FOXK2: variants seen among roughly 807,000 people sequenced by gnomAD.
FOXK2 encodes forkhead box protein K2.
In FOXK2, 24 loss-of-function variants were observed where a neutral mutation model predicts 53.3. The observed-to-expected ratio is 0.45, with a 90% CI of 0.33 to 0.63. The LOEUF is 0.63. Ranked by LOEUF, FOXK2 falls within the 30% of genes least tolerant of loss-of-function variation. FOXK2 has a pLI of 0.03. For missense variants in FOXK2, 952 were observed against 910.5 expected (o/e 1.05, Z -0.59); for synonymous variants, 505 against 407.1 (o/e 1.24, Z -2.89).
chr17:82,564,763 C>A (rs1425762323), intron 2 of FOXK2, among the ~76,000 whole-genome samples: 8 of 146,506 alleles, frequency 5.5e-5, no homozygotes, highest in African/African-American at 2.0e-4. Context: ...TGGAGTTTCA[C>A]CCTTTTTGCC....
At chr17:82,586,935 A>G (rs1020045170) in intron 7 of FOXK2, 128 bp from the exon 8 acceptor site, 1 of 852,838 alleles carries the variant, frequency 1.2e-6, no homozygotes, top group Non-Finnish European at 1.9e-6. Context: ...TCTTTTTCTA[A>G]TTTGCTGTTT....
chr17:82,587,727 C>T (rs1267694703), intron 8 of FOXK2, among the ~76,000 whole-genome samples: 2 of 152,210 alleles, frequency 1.3e-5, no homozygotes, highest in African/African-American at 2.4e-5. Context: ...GATGTTCTGA[C>T]ATTGACAAGT....
chr17:82,524,334 A>T (rs897986589), intron 1 of FOXK2, among the ~76,000 whole-genome samples: 6 of 152,226 alleles, frequency 3.9e-5, no homozygotes, highest in Non-Finnish European at 8.8e-5. Context: ...TTCAAAATGA[A>T]TTTATGTTTT....
In FOXK2 at chr17:82,560,528, G is replaced by A. The variant is rs532552836; in HGVS notation, c.420-2826G>A. Among the ~76,000 whole-genome samples, 7 of 152,332 alleles carry A rather than the reference G, an allele frequency of 4.6e-5. No individual in the cohort carries two copies. The South Asian group carries it at 1.0e-3, about 23-fold the overall frequency. On this transcript the variant is annotated intron_variant, in intron 1 of 8. Transcript: ENST00000335255. ...CCACCCTGGCGCTGTGGTGCAGCTG[G>A]AAGCATTTTGCTGTCTTTTGTTTGA...
At chr17:82,568,342 G>T (rs899144603) in intron 3 of FOXK2, 141 bp downstream of exon 3, 3 of 1,008,714 alleles carry the variant, frequency 3.0e-6, no homozygotes, top group Non-Finnish European at 4.4e-6. Context: ...CTTGATTCTG[G>T]TGTTGCTGCT....
intron 8 of FOXK2, among the ~76,000 whole-genome samples, chr17:82,598,057 T>G (rs2045336110): frequency 6.6e-6 from 1 of 150,794 alleles, no homozygotes. Context: ...ATGTGACTCG[T>G]GATCGGCACA....
intron 1 of FOXK2, among the ~76,000 whole-genome samples, chr17:82,529,644 C>T (rs1367725421): frequency 6.6e-6 from 1 of 152,180 alleles, no homozygotes; most frequent in African/African-American, 2.4e-5. Context: ...CCTCGGCCTC[C>T]CAAAGTGCTG....
chr17:82,537,508 A>G (rs2144064638), intron 1 of FOXK2, among the ~76,000 whole-genome samples: 1 of 148,500 alleles, frequency 6.7e-6, no homozygotes, highest in South Asian at 2.2e-4. Flanking sequence ...GTAATCAGCT[A>G]TTCAGGAGGC....
intron 4 of FOXK2, chr17:82,576,809 A>G (rs1029633459): frequency 6.9e-6 from 4 of 578,546 alleles, no homozygotes; most frequent in African/African-American, 1.9e-5. Context: ...GAAAGCTGCC[A>G]TGTTGAATCC....
chr17:82,569,565 A>G (rs75241339), intron 3 of FOXK2, among the ~76,000 whole-genome samples: 6,764 of 152,268 alleles, frequency 0.044, 207 homozygotes, highest in South Asian at 0.093. Flanking sequence ...CACTTTGCAA[A>G]AATTTGTTCA....
chr17:82,583,317 GGCGGATCA>G (rs2045087480), intron 5 of FOXK2, among the ~76,000 whole-genome samples: 3 of 152,214 alleles, frequency 2.0e-5, no homozygotes, highest in Admixed American at 6.5e-5. Context: ...GGCCGAGGCG[GGCGGATCA>G]CCTGAGGTCA....
At chr17:82,561,910 G>T (rs959234205) in intron 1 of FOXK2, among the ~76,000 whole-genome samples, 7 of 152,066 alleles carry the variant, frequency 4.6e-5, no homozygotes, top group Admixed American at 1.3e-4. Context: ...TCTGTTGGGG[G>T]GGGGGGGTGC....
At chr17:82,533,891 C>T (rs760287026) in intron 1 of FOXK2, among the ~76,000 whole-genome samples, 50 of 151,786 alleles carry the variant, frequency 3.3e-4, no homozygotes, top group Admixed American at 2.4e-3. Context: ...CCCAGCTACT[C>T]GTGAGACTGA....
intron 3 of FOXK2, among the ~76,000 whole-genome samples, chr17:82,570,966 T>TCC (rs1347454301): frequency 6.6e-6 from 1 of 152,132 alleles, no homozygotes; most frequent in East Asian, 1.9e-4. Context: ...GCCAGGGGGC[T>TCC]CCTCCTCATG....
At chr17:82,559,455 C>A (rs2044769629) in intron 1 of FOXK2, 9 of 456,254 alleles carry the variant, frequency 2.0e-5, no homozygotes, top group South Asian at 1.1e-4. Flanking sequence ...GCCGTGAGAA[C>A]CCCTGGGTTT....
At chr17:82,573,723 A>C (rs1403274565) in intron 4 of FOXK2, among the ~76,000 whole-genome samples, 2 of 152,200 alleles carry the variant, frequency 1.3e-5, no homozygotes, top group African/African-American at 2.4e-5. Context: ...CAGAGTTTAC[A>C]GCTTATTCTG....
At chr17:82,592,993 C>G (rs988879437) in intron 8 of FOXK2, among the ~76,000 whole-genome samples, 58 of 150,648 alleles carry the variant, frequency 3.9e-4, no homozygotes, top group African/African-American at 1.4e-3. Context: ...GAAGGTCTCC[C>G]TGTACCGGGC....
intron 4 of FOXK2, among the ~76,000 whole-genome samples, chr17:82,581,015 T>A (rs1024704166): frequency 6.6e-6 from 1 of 152,240 alleles, no homozygotes; most frequent in African/African-American, 2.4e-5. Flanking sequence ...TTGTAAAGTG[T>A]TATTTTATAT....
At chr17:82,521,020 A>G (rs1244851251) in intron 1 of FOXK2, among the ~76,000 whole-genome samples, 2 of 152,214 alleles carry the variant, frequency 1.3e-5, no homozygotes, top group Non-Finnish European at 2.9e-5. Context: ...CTATCCTGCT[A>G]CAAAACAATT....
Sources: allele counts gnomAD v4.1 joint callset (sites outside exome capture counted in the v4.1 genomes callset), GRCh38; gene constraint gnomAD v4.1.1; transcripts MANE v1.5; gene names NCBI Gene and HGNC (gene_info 2026-07-23, HGNC 2026-07-21).